Variants in GALNT7 observed in about 807,000 individuals in gnomAD.
GALNT7 encodes N-acetylgalactosaminyltransferase 7.
In GALNT7, 60 loss-of-function variants were observed where a neutral mutation model predicts 82.1. The observed-to-expected ratio is 0.73, with a 90% confidence interval of 0.59 to 0.91. The LOEUF (loss-of-function observed/expected upper bound fraction) is 0.91. Ranked by LOEUF, GALNT7 falls within the 40% of genes least tolerant of loss-of-function variation. The pLI, the probability that GALNT7 is intolerant of heterozygous loss-of-function variation, is 0.00. For synonymous variants in GALNT7, 243 were observed against 275.1 expected (o/e 0.88, Z 1.15); for missense variants, 660 against 804.2 (o/e 0.82, Z 2.17).
chr4:173,178,063 GCGTGCGCA>G (rs1732127131), intron 1 of GALNT7, among the ~76,000 whole-genome samples: 3 of 138,856 alleles, frequency 2.2e-5, no homozygotes, highest in African/African-American at 6.1e-5. Context: ...GCGCGCACGC[GCGTGCGCA>G]CAGACACCTA....
intron 1 of GALNT7, among the ~76,000 whole-genome samples, chr4:173,194,937 G>T (rs981964510): frequency 6.6e-6 from 1 of 152,132 alleles, no homozygotes; most frequent in Non-Finnish European, 1.5e-5. Flanking sequence ...TCAGTGAAGG[G>T]TTTTGTAAAC....
intron 1 of GALNT7, among the ~76,000 whole-genome samples, chr4:173,193,833 TAAATC>T (rs1295583178): frequency 6.6e-6 from 1 of 152,200 alleles, no homozygotes; most frequent in East Asian, 1.9e-4. Context: ...GAATTTGAAA[TAAATC>T]TGTTATTAGG....
intron 1 of GALNT7, among the ~76,000 whole-genome samples, chr4:173,213,293 C>G (rs1733341896): frequency 6.6e-6 from 1 of 152,028 alleles, no homozygotes; most frequent in South Asian, 2.1e-4. Context: ...AACCTGATCC[C>G]TCAGCTCTGT....
At chr4:173,303,003 T>C (rs1421095357) in intron 7 of GALNT7, among the ~76,000 whole-genome samples, 2 of 152,198 alleles carry the variant, frequency 1.3e-5, no homozygotes. Flanking sequence ...GAGACCATCC[T>C]AGCCAACATG....
intron 1 of GALNT7, among the ~76,000 whole-genome samples, chr4:173,204,550 T>G (rs570080515): frequency 6.6e-6 from 1 of 152,348 alleles, no homozygotes; most frequent in South Asian, 2.1e-4. Context: ...TAACCTGCCT[T>G]TAATGTTACA....
chr4:173,289,004 A>G (rs2126823737), intron 2 of GALNT7, among the ~76,000 whole-genome samples: 1 of 152,214 alleles, frequency 6.6e-6, no homozygotes, highest in African/African-American at 2.4e-5. Context: ...AAGAGGCATG[A>G]TAGCCCTGAA....
At chr4:173,256,168 T>A (rs1735028776) in intron 2 of GALNT7, among the ~76,000 whole-genome samples, 1 of 152,178 alleles carries the variant, frequency 6.6e-6, no homozygotes, top group Non-Finnish European at 1.5e-5. Flanking sequence ...AATGGGGAGT[T>A]TACCGGCTTT....
intron 1 of GALNT7, among the ~76,000 whole-genome samples, chr4:173,240,298 A>G (rs1015100643): frequency 7.9e-5 from 12 of 152,108 alleles, no homozygotes; most frequent in African/African-American, 2.4e-4. Flanking sequence ...TTAAATGTCA[A>G]ATACTTACTA....
chr4:173,287,891 A>AT (rs984285052), intron 2 of GALNT7, among the ~76,000 whole-genome samples: 6 of 152,234 alleles, frequency 3.9e-5, no homozygotes, highest in African/African-American at 1.2e-4. Flanking sequence ...CTAGTGAAAC[A>AT]TTGAAATCCC....
chr4:173,240,744 T>C (rs1023929481), intron 1 of GALNT7, among the ~76,000 whole-genome samples: 1 of 152,170 alleles, frequency 6.6e-6, no homozygotes, highest in Admixed American at 6.5e-5. Flanking sequence ...TATGTCAGTG[T>C]TTTTTATATA....
chr4:173,302,235 G>GT lies in GALNT7; in HGVS notation c.1266+77dup, dbSNP rs1736969258. ...CTTCTGTGGCTTTCAGATAAAGCTA[G>GT]TTTTTTGTGGGGGAAAAAAGCCCAC... is the stretch of plus-strand genomic sequence containing the variant. On this transcript the variant is annotated intron_variant, in intron 7 of 11. Coordinates refer to ENST00000265000, the MANE Select transcript of GALNT7 (RefSeq NM_017423.3). This position sits in a 1 kb window ranked among gnomAD's most constrained non-coding sequence, Gnocchi z 4.2. The GT allele has an allele frequency of 7.7e-6, 6 of 779,166 alleles. No homozygotes were observed. The highest frequency in any genetic ancestry group is 2.9e-5 in the South Asian group (2 of 68,516). The allele number at this position is 779,166 out of a possible 1,614,324, so 48.3% of individuals were successfully genotyped here.
chr4:173,172,090 A>G (rs938401446), intron 1 of GALNT7, among the ~76,000 whole-genome samples: 1 of 152,230 alleles, frequency 6.6e-6, no homozygotes, highest in Non-Finnish European at 1.5e-5. Flanking sequence ...AGTATTAAAA[A>G]GCTTTAGAGC....
chr4:173,192,435 T>C, intron 1 of GALNT7, among the ~76,000 whole-genome samples: 1 of 152,186 alleles, frequency 6.6e-6, no homozygotes, highest in East Asian at 1.9e-4. Flanking sequence ...TCCCTGTTTT[T>C]ATATAAGTTG....
chr4:173,302,773 T>C lies in GALNT7; in HGVS notation c.1266+609T>C, dbSNP rs1469120193. On this transcript the variant is annotated intron_variant, in intron 7 of 11. Transcript: ENST00000265000. This position sits in a 1 kb window ranked among gnomAD's most constrained non-coding sequence, Gnocchi z 4.2. ...GGTATTCATTACCTCTTGTCTTAAA[T>C]GTCCTGTGCGTAGCACTGTGAGGGA... 6.6e-6 allele frequency among the ~76,000 whole-genome samples: 1 copy of C among 152,272 alleles called. No homozygotes were observed. The highest frequency in any genetic ancestry group is 1.5e-5 in the Non-Finnish European group (1 of 68,050).
intron 8 of GALNT7, among the ~76,000 whole-genome samples, chr4:173,308,600 G>A (rs943092363): frequency 2.0e-5 from 3 of 152,102 alleles, no homozygotes; most frequent in Non-Finnish European, 4.4e-5. Context: ...CTCTATCTCT[G>A]TCACATAAAA....
rs765415016 is a variant in GALNT7 at position 173,168,979 on chromosome 4, C to T, written c.126+18C>T. The T allele has an allele frequency of 8.7e-6, 14 of 1,608,846 alleles. No homozygotes were observed. In the East Asian group the frequency reaches 2.0e-4, roughly 23 times the overall value. On this transcript the variant is annotated intron_variant, in intron 1 of 11. Coordinates refer to ENST00000265000, the MANE Select transcript of GALNT7 (RefSeq NM_017423.3). The stretch of plus-strand genomic sequence containing the variant: ...GGATGAGGGTGAGTGACCCGCCCGG[C>T]CCCCTCCGGCGGCAGCGACCGGCAA...
intron 1 of GALNT7, among the ~76,000 whole-genome samples, chr4:173,210,929 G>A (rs1297447430): frequency 6.6e-6 from 1 of 152,062 alleles, no homozygotes; most frequent in African/African-American, 2.4e-5. Flanking sequence ...ATTAAAAATA[G>A]CTTTAAAAAC....
intron 11 of GALNT7, among the ~76,000 whole-genome samples, chr4:173,319,577 A>G (rs1737728446): frequency 6.6e-6 from 1 of 152,214 alleles, no homozygotes; most frequent in Admixed American, 6.5e-5. Flanking sequence ...AGTGAGAACA[A>G]TATTAGCAAA....
intron 2 of GALNT7, among the ~76,000 whole-genome samples, chr4:173,277,950 G>A (rs1735975629): frequency 6.6e-6 from 1 of 152,188 alleles, no homozygotes; most frequent in Non-Finnish European, 1.5e-5. Context: ...CTTGCCAGAT[G>A]AGTTTGAGAG....
Sources: gnomAD v4.1 joint callset for allele counts (sites outside exome capture counted in the v4.1 genomes callset) on GRCh38, gnomAD v4.1.1 for gene constraint, Gnocchi (gnomAD v3.1) non-coding constraint, MANE v1.5 for transcripts, NCBI Gene and HGNC (gene_info 2026-07-23, HGNC 2026-07-21) for gene names.